Variants in RFT1 observed in about 807,000 individuals in gnomAD.
RFT1 encodes the protein man(5)GlcNAc(2)-PP-dolichol translocation protein RFT1.
RFT1 carries 43 observed loss-of-function variants against 62.2 expected under a neutral mutation model. That is an observed-to-expected ratio of 0.69 (90% CI 0.54 to 0.89). RFT1 has a LOEUF of 0.89. Among genes scored for constraint, RFT1 ranks in the 40% least tolerant of loss-of-function variants. The pLI, the probability that RFT1 is intolerant of heterozygous loss-of-function variation, is 0.00. For synonymous variants in RFT1, 262 were observed against 264.6 expected (o/e 0.99, Z 0.10); for missense variants, 605 against 649.9 (o/e 0.93, Z 0.75).
chr3:53,113,884 T>A (rs1701719264), intron 6 of RFT1, among the ~76,000 whole-genome samples: 1 of 152,160 alleles, frequency 6.6e-6, no homozygotes, highest in South Asian at 2.1e-4. Context: ...TTCTCTTTAC[T>A]CCTTGGTTTC....
the RFT1 span, among the ~76,000 whole-genome samples, chr3:53,067,809 G>A: frequency 6.6e-6 from 1 of 152,262 alleles, no homozygotes; most frequent in South Asian, 2.1e-4. Context: ...TGAGCCTCCT[G>A]GTCAGTGATA....
chr3:53,120,548 AG>A (rs1252917149), intron 5 of RFT1, among the ~76,000 whole-genome samples: 1 of 152,202 alleles, frequency 6.6e-6, no homozygotes, highest in Non-Finnish European at 1.5e-5. Flanking sequence ...AGGGGAAGAA[AG>A]GGTAGGGTGA....
At chr3:53,093,723 A>G (rs544057142) in intron 11 of RFT1, among the ~76,000 whole-genome samples, 11 of 152,138 alleles carry the variant, frequency 7.2e-5, no homozygotes, top group African/African-American at 2.7e-4. Flanking sequence ...CGTCTCTACA[A>G]AACCCAGTAA....
downstream of RFT1, chr3:53,088,370 C>T (rs964446256): frequency 6.6e-6 from 1 of 152,198 alleles, no homozygotes; most frequent in African/African-American, 2.4e-5. Context: ...AGAAACGTTC[C>T]AGCTGAGGAA....
intron 7 of RFT1, among the ~76,000 whole-genome samples, chr3:53,110,482 C>T (rs1186657405): frequency 6.6e-6 from 1 of 152,084 alleles, no homozygotes; most frequent in African/African-American, 2.4e-5. Flanking sequence ...GGCCTCGGAA[C>T]GGTTTCATTT....
At chr3:53,125,582 T>C (rs1363747068) in intron 2 of RFT1, among the ~76,000 whole-genome samples, 1 of 152,228 alleles carries the variant, frequency 6.6e-6, no homozygotes, top group African/African-American at 2.4e-5. Flanking sequence ...GACAAGAACA[T>C]AGGATTATAT....
chr3:53,068,256 G>A, the RFT1 span, among the ~76,000 whole-genome samples: 1 of 151,620 alleles, frequency 6.6e-6, no homozygotes, highest in Admixed American at 6.6e-5. Context: ...CCAAGCACCA[G>A]CCCTGTCTCA....
chr3:53,120,255 A>T (rs1315138616), intron 5 of RFT1, among the ~76,000 whole-genome samples: 2 of 152,220 alleles, frequency 1.3e-5, no homozygotes, highest in Non-Finnish European at 2.9e-5. Flanking sequence ...TCTTCTCGGC[A>T]GGCAGAATGT....
chr3:53,068,285 C>T, the RFT1 span, among the ~76,000 whole-genome samples: 1 of 152,108 alleles, frequency 6.6e-6, no homozygotes, highest in Non-Finnish European at 1.5e-5. Context: ...CCCATCCATG[C>T]TAAACTTCTG....
At chr3:53,126,324 A>G (rs1702109848) in intron 1 of RFT1, among the ~76,000 whole-genome samples, 1 of 152,214 alleles carries the variant, frequency 6.6e-6, no homozygotes. Flanking sequence ...AGAGAATTCT[A>G]GTTAGTGGTT....
chr3:53,111,941 C>T, intron 6 of RFT1, 33 bp from the exon 7 acceptor site: 1 of 1,541,028 alleles, frequency 6.5e-7, no homozygotes, highest in Non-Finnish European at 8.9e-7. Flanking sequence ...ACAAAAACAT[C>T]ACAGGCGTTG....
At chr3:53,081,533 C>A in the RFT1 span, among the ~76,000 whole-genome samples, 2 of 152,174 alleles carry the variant, frequency 1.3e-5, no homozygotes, top group African/African-American at 4.8e-5. Context: ...CATTTCTGTT[C>A]TCCTTTCATC....
intron 1 of RFT1, 64 bp downstream of exon 1, chr3:53,130,274 C>G: frequency 6.7e-7 from 1 of 1,496,266 alleles, no homozygotes; most frequent in Non-Finnish European, 9.1e-7. Context: ...CTCAAGGGCC[C>G]AAGGGCTGCC....
At chr3:53,128,030 G>C (rs1469252918) in intron 1 of RFT1, among the ~76,000 whole-genome samples, 45 of 151,976 alleles carry the variant, frequency 3.0e-4, no homozygotes, top group Non-Finnish European at 5.9e-5. Flanking sequence ...GAGCGCGGTA[G>C]CTCACACCTG....
intron 7 of RFT1, among the ~76,000 whole-genome samples, chr3:53,107,592 G>T (rs1021059123): frequency 6.6e-5 from 10 of 151,640 alleles, no homozygotes; most frequent in Admixed American, 6.6e-4. Context: ...AGGTTCCTCA[G>T]GGGTGGAGAC....
downstream of RFT1, among the ~76,000 whole-genome samples, chr3:53,085,144 CCT>C (rs1700830184): frequency 6.6e-6 from 1 of 152,208 alleles, no homozygotes; most frequent in Non-Finnish European, 1.5e-5. Context: ...AGGCCTCTAC[CCT>C]GAGAGCAGTA....
At chr3:53,093,948 A>C (rs2107076838) in intron 11 of RFT1, among the ~76,000 whole-genome samples, 1 of 152,288 alleles carries the variant, frequency 6.6e-6, no homozygotes, top group East Asian at 1.9e-4. Context: ...CAGGAGTTCA[A>C]GGCTATGGTG....
intron 6 of RFT1, among the ~76,000 whole-genome samples, chr3:53,112,553 C>T (rs1701681272): frequency 6.6e-6 from 1 of 152,118 alleles, no homozygotes; most frequent in African/African-American, 2.4e-5. Context: ...ACCAGCTTGG[C>T]CAACATGGCA....
At chr3:53,114,190 C>T (rs1701730807) in intron 6 of RFT1, among the ~76,000 whole-genome samples, 2 of 152,300 alleles carry the variant, frequency 1.3e-5, no homozygotes, top group South Asian at 4.1e-4. Flanking sequence ...CACACTGCTC[C>T]TCACCCCTTG....
Sources: allele counts gnomAD v4.1 joint callset (sites outside exome capture counted in the v4.1 genomes callset), GRCh38; gene constraint gnomAD v4.1.1; transcripts MANE v1.5; gene names NCBI Gene and HGNC (gene_info 2026-07-23, HGNC 2026-07-21).